Variants in TEX11 observed in about 807,000 individuals in gnomAD.
The protein encoded by TEX11 is testis-expressed protein 11.
In TEX11, 7 loss-of-function variants were observed where a neutral mutation model predicts 84.4. The ratio of observed to expected loss-of-function variants is 0.08; its 90% CI spans 0.05 to 0.16. TEX11 has a LOEUF of 0.16. Among genes scored for constraint, TEX11 ranks in the 10% least tolerant of loss-of-function variants. The pLI, the probability that TEX11 is intolerant of heterozygous loss-of-function variation, is 1.00. For missense variants in TEX11, 551 were observed against 660.5 expected (o/e 0.83, Z 1.82); for synonymous variants, 264 against 222.8 (o/e 1.18, Z -1.64).
At chrX:70,734,700 T>C (rs2090682328) in intron 11 of TEX11, among the ~76,000 whole-genome samples, 1 of 112,330 alleles carries the variant, frequency 8.9e-6, no homozygotes, top group Admixed American at 9.5e-5. Flanking sequence ...TGTATACAAA[T>C]GCTAGCGCTT....
At chrX:70,776,644 T>G (rs1026351387) in intron 9 of TEX11, among the ~76,000 whole-genome samples, 3 of 110,355 alleles carry the variant, frequency 2.7e-5, no homozygotes, top group Non-Finnish European at 5.7e-5. Flanking sequence ...TTATGTTAAG[T>G]GAAGCCAGGC....
chrX:70,671,693 C>T (rs1187999093), intron 15 of TEX11, among the ~76,000 whole-genome samples: 1 of 108,450 alleles, frequency 9.2e-6, no homozygotes, highest in Non-Finnish European at 1.9e-5. Flanking sequence ...TAGGTTTCTA[C>T]ATGCTCCTAT....
At chrX:70,670,549 A>C (rs2090013070) in intron 15 of TEX11, 35 bp from the exon 16 acceptor site, 2 of 1,171,932 alleles carry the variant, frequency 1.7e-6, no homozygotes, top group Non-Finnish European at 2.3e-6. Context: ...AATCACAGCG[A>C]TGTCGCTACC....
At chrX:70,603,355 A>G (rs2089153777) in intron 24 of TEX11, among the ~76,000 whole-genome samples, 1 of 95,557 alleles carries the variant, frequency 1.0e-5, no homozygotes, top group Non-Finnish European at 2.1e-5. Context: ...CAAAACAGAG[A>G]TATAGATCAA....
chrX:70,897,203 T>A (rs373882701), intron 2 of TEX11, among the ~76,000 whole-genome samples: 1 of 30,953 alleles, frequency 3.2e-5, no homozygotes, highest in South Asian at 1.1e-3. Flanking sequence ...TGTTATATAT[T>A]ATATATATAT....
chrX:70,552,048 T>A, intron 28 of TEX11, 78 bp downstream of exon 28: 1 of 1,013,190 alleles, frequency 9.9e-7, no homozygotes, highest in Non-Finnish European at 1.3e-6. Context: ...GAAAGCATTA[T>A]TGTATATAAT....
chrX:70,515,322 C>T, the TEX11 span, among the ~76,000 whole-genome samples: 2 of 103,949 alleles, frequency 1.9e-5, no homozygotes, highest in Non-Finnish European at 3.9e-5. Flanking sequence ...ACACTGTGTC[C>T]GAGTCTTCTC....
At chrX:70,794,940 A>G (rs1431542397) in intron 9 of TEX11, among the ~76,000 whole-genome samples, 1 of 107,274 alleles carries the variant, frequency 9.3e-6, no homozygotes, top group Non-Finnish European at 1.9e-5. Flanking sequence ...CTTCTGCTTG[A>G]CAAAAAAAAG....
chrX:70,542,042 C>T (rs935751729), intron 28 of TEX11, among the ~76,000 whole-genome samples: 10 of 111,040 alleles, frequency 9.0e-5, no homozygotes, highest in Non-Finnish European at 1.7e-4. Context: ...GGTAAAGAAG[C>T]CACGCACCTC....
intron 9 of TEX11, among the ~76,000 whole-genome samples, chrX:70,779,282 G>A (rs2091021537): frequency 9.3e-6 from 1 of 107,685 alleles, no homozygotes; most frequent in African/African-American, 3.4e-5. Flanking sequence ...AAGAGTGGTC[G>A]TGGGTGCCTG....
chrX:70,664,303 A>G (rs2089957821), intron 16 of TEX11, among the ~76,000 whole-genome samples: 1 of 111,588 alleles, frequency 9.0e-6, no homozygotes, highest in African/African-American at 3.2e-5. Flanking sequence ...GCCATATTTT[A>G]TCTACTTTGT....
intron 20 of TEX11, among the ~76,000 whole-genome samples, chrX:70,618,787 A>G (rs1655889204): frequency 8.9e-6 from 1 of 112,304 alleles, no homozygotes. Flanking sequence ...TCAGACCAAG[A>G]AACACACTTT....
intron 14 of TEX11, among the ~76,000 whole-genome samples, chrX:70,680,809 T>TAA (rs2147656341): frequency 8.9e-6 from 1 of 111,914 alleles, no homozygotes; most frequent in South Asian, 3.8e-4. Flanking sequence ...ACTCTCTTTT[T>TAA]AACTGATTTT....
intron 25 of TEX11, among the ~76,000 whole-genome samples, chrX:70,585,024 G>A (rs1030884661): frequency 8.9e-6 from 1 of 111,765 alleles, no homozygotes; most frequent in African/African-American, 3.3e-5. Context: ...AACATTGTAC[G>A]GGAAGTTTTA....
rs575091826 is a variant in TEX11, at chrX:70,767,584, A to C, written c.693-23365T>G. Among the ~76,000 whole-genome samples the C allele has an allele frequency of 6.3e-5, 7 of 111,590 alleles. No homozygotes were observed. The East Asian group carries it at 2.0e-3, about 31-fold the overall frequency. On this transcript the variant is annotated intron_variant, in intron 9 of 29. Transcript: ENST00000374333. ...GTTTGGAGTTTCCTCAAAAAACTAA[A>C]AATTGAGCTACCATATGATCCAGCA...
intron 8 of TEX11, among the ~76,000 whole-genome samples, chrX:70,809,481 A>T (rs1311595013): frequency 1.8e-5 from 2 of 110,091 alleles, no homozygotes; most frequent in Admixed American, 1.9e-4. Context: ...GTAGAGGGAA[A>T]AAGAAAAGAA....
At chrX:70,533,314 C>T (rs201725205) in intron 28 of TEX11, among the ~76,000 whole-genome samples, 1 of 49,565 alleles carries the variant, frequency 2.0e-5, no homozygotes, top group Non-Finnish European at 4.4e-5. Flanking sequence ...GGATAAGGGA[C>T]AACAATAAGT....
At chrX:70,686,574 T>C (rs2090190582) in intron 13 of TEX11, among the ~76,000 whole-genome samples, 1 of 109,746 alleles carries the variant, frequency 9.1e-6, no homozygotes, top group African/African-American at 3.3e-5. Flanking sequence ...TCAAGACAAA[T>C]AGCTAATGCA....
intron 28 of TEX11, among the ~76,000 whole-genome samples, chrX:70,548,455 G>A (rs58687698): frequency 2.6e-3 from 287 of 110,244 alleles, no homozygotes; most frequent in African/African-American, 9.4e-3. Context: ...AAAAAATCAG[G>A]TGAGTGATCA....
Sources: gnomAD v4.1 joint callset for allele counts (sites outside exome capture counted in the v4.1 genomes callset) on GRCh38, gnomAD v4.1.1 for gene constraint, MANE v1.5 for transcripts, NCBI Gene and HGNC (gene_info 2026-07-23, HGNC 2026-07-21) for gene names.